The following MORN1 variants were observed in gnomAD, a reference collection of about 807,000 sequenced individuals.
MORN1 encodes the protein MORN repeat-containing protein 1.
In MORN1, 67 loss-of-function variants were observed where a neutral mutation model predicts 61.9. The ratio of observed to expected loss-of-function variants is 1.08; its 90% CI spans 0.89 to 1.33. The LOEUF (loss-of-function observed/expected upper bound fraction) is 1.33. Ranked by LOEUF, MORN1 falls within the 40% of genes most tolerant of loss-of-function variation. The pLI is 0.00. For synonymous variants in MORN1, 301 were observed against 292.0 expected (o/e 1.03, Z -0.31); for missense variants, 752 against 691.2 (o/e 1.09, Z -0.99).
In MORN1 at chr1:2,385,824, A is replaced by G. The variant is rs1642484122; in HGVS notation, c.432T>C (p.Pro144=). ...ATACTCACTGAAAGAGCATCTGCCCAGGGCCGTGCCTCTTGTTGTCATGGA... is the reference window on the plus strand; with the variant it reads ...ATACTCACTGAAAGAGCATCTGCCCGGGGCCGTGCCTCTTGTTGTCATGGA... ...GSFHDNKRHG[P]GQMLFQNGDK... Residue 144 remains proline, a synonymous_variant, in exon 5 of 14, where the codon CCT becomes CCC. Transcript: ENST00000378531. 7 of 1,613,872 alleles carry G rather than the reference A, an allele frequency of 4.3e-6. No homozygotes were observed. Among genetic ancestry groups the G allele is most frequent in the Non-Finnish European group, 5.9e-6 (7 of 1,179,960 alleles).
At chr1:2,343,605 T>C (rs1314441299) in intron 10 of MORN1, among the ~76,000 whole-genome samples, 1 of 152,126 alleles carries the variant, frequency 6.6e-6, no homozygotes, top group East Asian at 1.9e-4. Context: ...CTCCACTGCA[T>C]TCCCACGAGC....
At chr1:2,344,762 G>A (rs918405740) in intron 10 of MORN1, among the ~76,000 whole-genome samples, 31 of 152,218 alleles carry the variant, frequency 2.0e-4, no homozygotes, top group African/African-American at 7.2e-4. Context: ...CACAACAGCT[G>A]CCTGCAGAGC....
chr1:2,372,742 C>A lies in MORN1; in HGVS notation c.635-151G>T, dbSNP rs952505420. 2 of 599,956 alleles carry A rather than the reference C, an allele frequency of 3.3e-6. No homozygotes were observed. The highest frequency in any genetic ancestry group is 6.1e-5 in the Admixed American group (2 of 32,890). The allele number at this position is 599,956 out of a possible 1,614,324, so 37.2% of individuals were successfully genotyped here. Reference sequence around the variant, plus strand: ...CATGCGGGGGCCGACCCTCCGCAAACCACCTTGCAGAGCAGCGACCTGGGC... The same window carrying A: ...CATGCGGGGGCCGACCCTCCGCAAAACACCTTGCAGAGCAGCGACCTGGGC... On this transcript the variant is annotated intron_variant, in intron 7 of 13. Transcript: ENST00000378531. This position sits in a 1 kb window ranked among gnomAD's most constrained non-coding sequence, Gnocchi z 5.4.
intron 10 of MORN1, among the ~76,000 whole-genome samples, chr1:2,345,120 G>A (rs1313409789): frequency 1.3e-5 from 2 of 152,116 alleles, no homozygotes; most frequent in African/African-American, 4.8e-5. Flanking sequence ...ATGGCCACAT[G>A]TGCCCCGAAG....
At chr1:2,346,883 G>A (rs1641530626) in intron 10 of MORN1, among the ~76,000 whole-genome samples, 1 of 152,154 alleles carries the variant, frequency 6.6e-6, no homozygotes. Flanking sequence ...AGTCTGGGTG[G>A]GGCCCAGCTC....
chr1:2,379,219 G>A (rs1456825424), intron 6 of MORN1: 3 of 464,648 alleles, frequency 6.5e-6, no homozygotes, highest in East Asian at 7.0e-5. Context: ...ATAGATGGGT[G>A]GATCAGAGCT....
chr1:2,321,572 G>A lies in MORN1; in HGVS notation c.1305C>T (p.Tyr435=), dbSNP rs777769352. The A allele has an allele frequency of 1.0e-4, 152 of 1,503,470 alleles. 4 individuals are homozygous for A. The highest frequency in any genetic ancestry group is 3.4e-4 in the South Asian group (26 of 76,922). The allele number at this position is 1,503,470 out of a possible 1,614,324, so 93.1% of individuals were successfully genotyped here. The change falls in exon 14 of 14, where the codon TAC becomes TAT. Residue 435 remains tyrosine, a synonymous_variant. Transcript: ENST00000378531. ...EQAAAAHLGE[Y]VLMIRDVTTP... ...TGGTCACGTCGCGGATCATGAGCAC[G>A]TACTCCCCTGCAAGGGGCGGGTGGG... is the stretch of plus-strand genomic sequence containing the variant.
intron 13 of MORN1, chr1:2,323,340 A>C: frequency 1.0e-6 from 1 of 985,394 alleles, no homozygotes; most frequent in Non-Finnish European, 1.2e-6. Context: ...GACCCCAGTG[A>C]GCAGCGGGTC....
At chr1:2,323,014 G>A (rs552643830) in intron 13 of MORN1, 93 of 985,428 alleles carry the variant, frequency 9.4e-5, no homozygotes, top group South Asian at 1.4e-4. Flanking sequence ...ATCTCCCTTC[G>A]CTCCTCACCC....
Position 2,390,013 on chromosome 1 carries a change from C to G in MORN1, c.77-17G>C. On this transcript the variant is annotated splice_polypyrimidine_tract_variant and intron_variant, in intron 1 of 13. Coordinates refer to ENST00000378531, the MANE Select transcript of MORN1 (RefSeq NM_024848.3). ...CACCATAACCTGAGTATTGAGAAGACACACACAGGTAAGCACAGACACAGA... is the reference window on the plus strand; with the variant it reads ...CACCATAACCTGAGTATTGAGAAGAGACACACAGGTAAGCACAGACACAGA... 1.2e-6 allele frequency: 2 copies of G among 1,604,018 alleles called. No homozygotes were observed. The highest frequency in any genetic ancestry group is 1.7e-6 in the Non-Finnish European group (2 of 1,170,906).
intron 5 of MORN1, chr1:2,385,325 A>C (rs1366145505): frequency 1.8e-6 from 1 of 542,208 alleles, no homozygotes; most frequent in African/African-American, 1.9e-5. Context: ...TCAAAATGGG[A>C]AATGACCCAG....
intron 10 of MORN1, among the ~76,000 whole-genome samples, chr1:2,343,156 C>T (rs917621981): frequency 3.3e-5 from 5 of 152,144 alleles, no homozygotes; most frequent in African/African-American, 9.7e-5. Flanking sequence ...GGGCCTGGGC[C>T]GTCGTGGCTG....
chr1:2,323,423 A>G, intron 13 of MORN1: 1 of 985,400 alleles, frequency 1.0e-6, no homozygotes, highest in Non-Finnish European at 1.2e-6. Flanking sequence ...ATGTTGGCCC[A>G]GGTGACAGAG....
At chr1:2,385,637 GA>G (rs1164817391) in intron 5 of MORN1, 169 bp downstream of exon 5, 1 of 583,164 alleles carries the variant, frequency 1.7e-6, no homozygotes, top group Admixed American at 2.7e-5. Flanking sequence ...CGAAACCACA[GA>G]ATGTGGTTCA....
At chr1:2,364,814 G>T (rs1421324085) in intron 8 of MORN1, among the ~76,000 whole-genome samples, 1 of 151,984 alleles carries the variant, frequency 6.6e-6, no homozygotes, top group Non-Finnish European at 1.5e-5. Context: ...TTATTAAATA[G>T]GGAATCCTTT....
chr1:2,349,486 T>C (rs527453219), intron 10 of MORN1, among the ~76,000 whole-genome samples: 3 of 152,346 alleles, frequency 2.0e-5, no homozygotes, highest in East Asian at 1.9e-4. Flanking sequence ...TCTACTGTTC[T>C]GGCATTGGAA....
chr1:2,324,484 C>T (rs955872688), intron 12 of MORN1, among the ~76,000 whole-genome samples: 10 of 152,210 alleles, frequency 6.6e-5, no homozygotes, highest in Non-Finnish European at 1.2e-4. Context: ...CTGAGAAGAT[C>T]CCGGAGGGCG....
chr1:2,338,519 C>T (rs954366927), intron 10 of MORN1, among the ~76,000 whole-genome samples: 1 of 152,304 alleles, frequency 6.6e-6, no homozygotes, highest in East Asian at 1.9e-4. Flanking sequence ...CCTAATCATG[C>T]GGACACCCTC....
intron 6 of MORN1, among the ~76,000 whole-genome samples, chr1:2,383,222 A>T (rs1019868797): frequency 2.0e-5 from 3 of 152,212 alleles, no homozygotes; most frequent in African/African-American, 7.2e-5. Context: ...TTGTCAACAG[A>T]GAACAAGGCG....
Sources: allele counts gnomAD v4.1 joint callset (sites outside exome capture counted in the v4.1 genomes callset), GRCh38; gene constraint gnomAD v4.1.1; non-coding constraint Gnocchi (gnomAD v3.1); transcripts MANE v1.5; gene names NCBI Gene and HGNC (gene_info 2026-07-23, HGNC 2026-07-21).